C1orf94: variants seen among roughly 807,000 people sequenced by gnomAD.
C1orf94 encodes the protein chromosome 1 open reading frame 94.
C1orf94 carries 45 observed loss-of-function variants against 53.6 expected under a neutral mutation model. The observed-to-expected ratio is 0.84, with a 90% confidence interval of 0.66 to 1.08. C1orf94 has a LOEUF of 1.08. Among genes scored for constraint, C1orf94 ranks in the 50% least tolerant of loss-of-function variants. The pLI is 0.00. For synonymous variants in C1orf94, 304 were observed against 296.1 expected (o/e 1.03, Z -0.27); for missense variants, 762 against 738.9 (o/e 1.03, Z -0.36).
chr1:34,178,154 G>A (rs1172702944), intron 1 of C1orf94, 45 bp downstream of exon 1: 4 of 1,518,474 alleles, frequency 2.6e-6, no homozygotes, highest in Non-Finnish European at 3.6e-6. Flanking sequence ...GGAGGGAGGA[G>A]ATGAAGTCTG....
At chr1:34,187,786 GCCC>G (rs1377480161) in intron 1 of C1orf94, among the ~76,000 whole-genome samples, 1 of 22,736 alleles carries the variant, frequency 4.4e-5, no homozygotes, top group African/African-American at 1.7e-4. Context: ...CCCCCCCGCC[GCCC>G]CCCACCACCC....
Position 34,177,544 on chromosome 1 carries a change from A to T in C1orf94, c.-246A>T, listed in dbSNP as rs1315071518. 2 of 469,818 alleles carry T rather than the reference A, an allele frequency of 4.3e-6. No homozygotes were observed. The highest frequency in any genetic ancestry group is 7.6e-6 in the Non-Finnish European group (2 of 264,758). The allele number at this position is 469,818 out of a possible 1,614,324, so 29.1% of individuals were successfully genotyped here. A position where few individuals can be genotyped will look rare whatever the true frequency, so the allele number is the denominator to read the frequency against. ...GCTCCGCAGCATTCCACTGTTCCTA[A>T]GCTACTGGTTTTTGTTGACTTTTAA... is the stretch of plus-strand genomic sequence containing the variant. On this transcript the variant is annotated 5_prime_UTR_variant, in exon 1 of 7. The change creates a new upstream start codon in the 5' untranslated region. Transcript: ENST00000488417.
chr1:34,208,940 G>A (rs1334051821), intron 5 of C1orf94, among the ~76,000 whole-genome samples: 2 of 152,074 alleles, frequency 1.3e-5, no homozygotes, highest in South Asian at 2.1e-4. Context: ...TTCTTCCCAC[G>A]CAGGGTTGCC....
intron 4 of C1orf94, among the ~76,000 whole-genome samples, chr1:34,203,569 A>T (rs952498965): frequency 1.3e-5 from 2 of 152,142 alleles, no homozygotes; most frequent in Non-Finnish European, 2.9e-5. Context: ...ATACCGTGGA[A>T]TGAGTGTATA....
chr1:34,212,428 G>A (rs1349019666), intron 6 of C1orf94, 22 bp downstream of exon 6: 9 of 1,588,148 alleles, frequency 5.7e-6, no homozygotes, highest in Non-Finnish European at 6.8e-6. Flanking sequence ...CACACTGGGA[G>A]CCTAAGGGTA....
intron 2 of C1orf94, 118 bp downstream of exon 2, chr1:34,198,031 C>A: frequency 9.0e-7 from 1 of 1,114,730 alleles, no homozygotes; most frequent in Non-Finnish European, 1.3e-6. Flanking sequence ...GACAAAGCAG[C>A]CTCTCTGGTG....
chr1:34,195,971 C>A (rs1331711561), intron 1 of C1orf94, among the ~76,000 whole-genome samples: 1 of 152,216 alleles, frequency 6.6e-6, no homozygotes, highest in Non-Finnish European at 1.5e-5. Context: ...CAGCTGAGCT[C>A]CCCTATGGGA....
chr1:34,187,861 T>G (rs1193464728), intron 1 of C1orf94, among the ~76,000 whole-genome samples: 8 of 139,944 alleles, frequency 5.7e-5, no homozygotes, highest in African/African-American at 2.1e-4. Context: ...TGGAGGACAT[T>G]GTGGGAAGCA....
intron 1 of C1orf94, among the ~76,000 whole-genome samples, chr1:34,196,708 A>G (rs1315932446): frequency 6.6e-6 from 1 of 152,166 alleles, no homozygotes; most frequent in Non-Finnish European, 1.5e-5. Flanking sequence ...TGACTGGATC[A>G]GGGTGTAAGC....
chr1:34,192,494 G>T (rs1321231643), intron 1 of C1orf94, among the ~76,000 whole-genome samples: 1 of 152,200 alleles, frequency 6.6e-6, no homozygotes, highest in African/African-American at 2.4e-5. Flanking sequence ...AAAGGCAAGT[G>T]AACTTGTTCA....
chr1:34,172,469 C>G (rs996151929), upstream of C1orf94, among the ~76,000 whole-genome samples: 17 of 152,270 alleles, frequency 1.1e-4, no homozygotes, highest in African/African-American at 4.1e-4. Flanking sequence ...CTACCCCAAA[C>G]CTATTGTTTT....
chr1:34,200,839 G>A lies in C1orf94; in HGVS notation c.1077G>A (p.Gln359=), dbSNP rs1417346926. 6.2e-7 allele frequency: 1 copy of A among 1,614,222 alleles called. No homozygotes were observed. The highest frequency in any genetic ancestry group is 1.1e-5 in the South Asian group (1 of 91,080). Residue 359 remains glutamine (Q), a synonymous_variant, in exon 3 of 7, where the codon CAG becomes CAA. Transcript: ENST00000488417. ...GCCTCTTTCTCAGCCAGTGGCCCCAGAGCCAGAAGGACGCCTGTGGTGAGG... is the reference window on the plus strand; with the variant it reads ...GCCTCTTTCTCAGCCAGTGGCCCCAAAGCCAGAAGGACGCCTGTGGTGAGG... ...QGSLFLSQWP[Q]SQKDACGEEG...
At chr1:34,174,446 A>G (rs1185909874), upstream of C1orf94, among the ~76,000 whole-genome samples, 1 of 152,248 alleles carries the variant, frequency 6.6e-6, no homozygotes, top group African/African-American at 2.4e-5. Flanking sequence ...GCTGAATTAT[A>G]TGCTGCAATC....
chr1:34,174,483 G>A (rs1051975830), upstream of C1orf94, among the ~76,000 whole-genome samples: 4 of 152,194 alleles, frequency 2.6e-5, no homozygotes, highest in Non-Finnish European at 4.4e-5. Context: ...AGATGTGACT[G>A]TATTTGGAGA....
chr1:34,184,229 GT>G (rs1224410961), intron 1 of C1orf94, among the ~76,000 whole-genome samples: 2 of 152,186 alleles, frequency 1.3e-5, no homozygotes, highest in Non-Finnish European at 2.9e-5. Flanking sequence ...CCATAGTTAT[GT>G]CCCCCAGCTA....
intron 4 of C1orf94, among the ~76,000 whole-genome samples, chr1:34,203,431 A>T (rs1196473919): frequency 1.3e-5 from 2 of 152,004 alleles, no homozygotes; most frequent in African/African-American, 4.8e-5. Context: ...CCGGCCCTCA[A>T]ATGCCATTTT....
chr1:34,197,293 C>A lies in C1orf94; in HGVS notation c.389C>A (p.Thr130Asn). 6.4e-7 allele frequency: 1 copy of A among 1,553,760 alleles called. No individual in the cohort carries two copies. The highest frequency in any genetic ancestry group is 8.7e-7 in the Non-Finnish European group (1 of 1,147,944). Residue 130 changes from threonine (T) to asparagine (N), a missense_variant, in exon 2 of 7, where the codon ACC becomes AAC. By Grantham distance (65) the Thr-to-Asn change is moderately conservative (BLOSUM62 0). Coordinates refer to ENST00000488417, the MANE Select transcript of C1orf94 (RefSeq NM_001134734.2). This position sits in a 1 kb window ranked among gnomAD's most constrained non-coding sequence, Gnocchi z 4.1. ...LLVEQEFLSL[T>N]KEHSILVEES... is the part of the protein sequence containing the mutation. ...GTGGAACAGGAGTTCCTAAGCCTCA[C>A]CAAAGAGCACTCGATCCTGGTCGAA... is the stretch of plus-strand genomic sequence containing the variant.
At chr1:34,180,697 G>T (rs561652830) in intron 1 of C1orf94, among the ~76,000 whole-genome samples, 26 of 152,314 alleles carry the variant, frequency 1.7e-4, no homozygotes, top group African/African-American at 5.8e-4. Flanking sequence ...GAAAAGCCAG[G>T]GAGCTGTTCT....
chr1:34,181,118 G>A (rs1389857298), intron 1 of C1orf94, among the ~76,000 whole-genome samples: 1 of 152,066 alleles, frequency 6.6e-6, no homozygotes, highest in Non-Finnish European at 1.5e-5. Context: ...CATTGATCTG[G>A]ATTCTGCCCT....
Sources: allele counts gnomAD v4.1 joint callset (sites outside exome capture counted in the v4.1 genomes callset), GRCh38; gene constraint gnomAD v4.1.1; non-coding constraint Gnocchi (gnomAD v3.1); transcripts MANE v1.5; gene names NCBI Gene and HGNC (gene_info 2026-07-23, HGNC 2026-07-21).